MAP4: variants seen among roughly 807,000 people sequenced by gnomAD.
MAP4 encodes microtubule-associated protein 4.
Under a neutral mutation model 170.2 loss-of-function variants are expected in MAP4, and 76 were observed. The observed-to-expected ratio is 0.45, with a 90% CI of 0.37 to 0.54. The LOEUF is 0.54. MAP4 is among the 20% of genes least tolerant of loss of function. MAP4 has a pLI of 0.00. For synonymous variants in MAP4, 909 were observed against 994.5 expected, an observed-to-expected ratio of 0.91 and a Z score of 1.62; for missense variants, 2,506 against 2,748.0, an observed-to-expected ratio of 0.91 and a Z score of 1.97.
chr3:48,086,739 C>T (rs2100149250), intron 1 of MAP4, among the ~76,000 whole-genome samples: 1 of 152,208 alleles, frequency 6.6e-6, no homozygotes, highest in Non-Finnish European at 1.5e-5. Context: ...ACTGATTAGG[C>T]AGCCCAGAAC....
Position 47,953,455 on chromosome 3 carries a change from G to A in MAP4, c.292+24410C>T, listed in dbSNP as rs1050850478. Among the ~76,000 whole-genome samples the A allele has an allele frequency of 7.2e-5, 11 of 152,090 alleles. No individual in the cohort carries two copies. The East Asian group carries it at 1.7e-3, about 24-fold the overall frequency. On this transcript the variant is annotated intron_variant, in intron 3 of 20. Coordinates refer to ENST00000683076, the MANE Select transcript of MAP4 (RefSeq NM_001385682.1). ...GAGGACTACTTGAGCCTAGGAGTTCGAAATTACAGTGAGCTATGATCACGC... is the reference window on the plus strand; with the variant it reads ...GAGGACTACTTGAGCCTAGGAGTTCAAAATTACAGTGAGCTATGATCACGC...
intron 10 of MAP4, among the ~76,000 whole-genome samples, chr3:47,894,650 T>C (rs939006097): frequency 2.0e-5 from 3 of 151,730 alleles, no homozygotes; most frequent in Non-Finnish European, 4.4e-5. Context: ...TAATACAACA[T>C]AGTTGAATTC....
intron 3 of MAP4, among the ~76,000 whole-genome samples, chr3:47,969,588 C>T (rs988877284): frequency 2.6e-5 from 4 of 152,142 alleles, no homozygotes; most frequent in Non-Finnish European, 5.9e-5. Flanking sequence ...TGTGCCCCCA[C>T]CTCACACTCT....
chr3:48,049,790 T>C (rs986490420), intron 1 of MAP4, among the ~76,000 whole-genome samples: 1 of 149,202 alleles, frequency 6.7e-6, no homozygotes, highest in Admixed American at 6.7e-5. Flanking sequence ...CACAAAAAAA[T>C]AGCTGGGCAT....
chr3:48,038,459 CTTTTT>C (rs397989482), intron 1 of MAP4, among the ~76,000 whole-genome samples: 1 of 121,986 alleles, frequency 8.2e-6, no homozygotes, highest in Non-Finnish European at 1.6e-5. Flanking sequence ...TGCACTGAAA[CTTTTT>C]TTTTTTTTTT....
At chr3:47,868,412 TG>T in intron 16 of MAP4, among the ~76,000 whole-genome samples, 1 of 152,184 alleles carries the variant, frequency 6.6e-6, no homozygotes, top group Non-Finnish European at 1.5e-5. Context: ...TAATGAGCCT[TG>T]GTCTGAACCT....
chr3:47,931,298 T>C (rs2153833102), intron 3 of MAP4, among the ~76,000 whole-genome samples: 1 of 152,218 alleles, frequency 6.6e-6, no homozygotes, highest in African/African-American at 2.4e-5. Flanking sequence ...GGAAGATTGC[T>C]TGAGCCTGGG....
At chr3:47,967,266 C>T (rs376716593) in intron 3 of MAP4, among the ~76,000 whole-genome samples, 11 of 152,240 alleles carry the variant, frequency 7.2e-5, no homozygotes, top group African/African-American at 2.2e-4. Flanking sequence ...AACCCGGAGG[C>T]GGAGGTTGCA....
chr3:47,961,696 C>T (rs1399600648), intron 3 of MAP4, among the ~76,000 whole-genome samples: 6 of 152,174 alleles, frequency 3.9e-5, no homozygotes, highest in Non-Finnish European at 8.8e-5. Flanking sequence ...GGTTTCTCTT[C>T]CTGGTTCTAG....
At chr3:47,877,389 A>G (rs111834828) in intron 11 of MAP4, 28 bp downstream of exon 11, 10 of 1,526,940 alleles carry the variant, frequency 6.5e-6, no homozygotes, top group African/African-American at 4.1e-5. Flanking sequence ...TTATGGCAGT[A>G]GAAGATAACC....
chr3:47,910,325 C>T lies in MAP4; in HGVS notation c.4096G>A (p.Gly1366Arg), dbSNP rs757508031. Residue 1366 changes from glycine to arginine, a missense_variant, in exon 9 of 21, where the codon GGA becomes AGA. This residue lies in a region of MAP4 where 2,008 missense variants were observed against 2,206.0 expected (regional missense o/e 0.91). Coordinates refer to ENST00000683076, the MANE Select transcript of MAP4 (RefSeq NM_001385682.1). ...ADKPSKRSND[G>R]KSKKVKNSSP... is the part of the protein sequence containing the mutation. ...CTATTTTTAACCTTTTTACTTTTTC[C>T]ATCATTACTCCTTTTACTTGGTTTG... 3.9e-6 allele frequency: 6 copies of T among 1,552,902 alleles called. No individual in the cohort carries two copies. The South Asian group carries it at 5.8e-5, about 15-fold the overall frequency.
chr3:47,869,352 A>C, intron 15 of MAP4, 25 bp from the exon 16 acceptor site: 1 of 1,483,718 alleles, frequency 6.7e-7, no homozygotes, highest in South Asian at 1.1e-5. Context: ...AGGGAGGGCA[A>C]ATTTCAAACC....
chr3:47,958,433 C>T (rs2100069187), intron 3 of MAP4, among the ~76,000 whole-genome samples: 1 of 152,150 alleles, frequency 6.6e-6, no homozygotes, highest in South Asian at 2.1e-4. Context: ...TGAACTTTCT[C>T]TTTGTTATAT....
At chr3:48,005,543 A>C (rs2100101842) in intron 1 of MAP4, among the ~76,000 whole-genome samples, 1 of 152,196 alleles carries the variant, frequency 6.6e-6, no homozygotes, top group Admixed American at 6.5e-5. Context: ...GGGAGTTAAA[A>C]TAAGGTTCTA....
chr3:47,905,750 T>A (rs2100032620), intron 9 of MAP4, among the ~76,000 whole-genome samples: 1 of 151,620 alleles, frequency 6.6e-6, no homozygotes, highest in African/African-American at 2.4e-5. Flanking sequence ...TCCCAGCACT[T>A]TGGGAGGCTG....
chr3:47,857,685 G>A (rs769749594), intron 17 of MAP4, among the ~76,000 whole-genome samples, 173 bp from the exon 18 acceptor site: 10 of 151,338 alleles, frequency 6.6e-5, no homozygotes, highest in Non-Finnish European at 1.3e-4. Flanking sequence ...AAGAGCCCTC[G>A]ACCCACCCTG....
rs2100038859 is a variant in MAP4, at chr3:47,916,182, C to G, written c.1645G>C (p.Val549Leu). 1 of 1,614,046 alleles carries G rather than the reference C, an allele frequency of 6.2e-7. No individual in the cohort carries two copies. Among genetic ancestry groups the G allele is most frequent in the South Asian group, 1.1e-5 (1 of 91,086 alleles). Residue 549 changes from valine to leucine, a missense_variant, in exon 7 of 21, where the codon GTC (valine) becomes CTC (leucine). Physicochemically the swap from Val to Leu is conservative, Grantham distance 32 (BLOSUM62 1). Transcript: ENST00000683076. ...EMEVALTEDQ[V>L]PALKTEAPLA... ...GGTGCTTCTGTTTTGAGGGCTGGGA[C>G]CTGATCCTCAGTCAGGGCCACCTCC... is the stretch of plus-strand genomic sequence containing the variant.
intron 2 of MAP4, among the ~76,000 whole-genome samples, chr3:47,988,708 A>C (rs2100090413): frequency 6.6e-6 from 1 of 152,056 alleles, no homozygotes; most frequent in Non-Finnish European, 1.5e-5. Flanking sequence ...ATTTGAATTT[A>C]AAAAATGGAT....
intron 12 of MAP4, among the ~76,000 whole-genome samples, chr3:47,874,035 A>C (rs1172120083): frequency 6.6e-6 from 1 of 152,218 alleles, no homozygotes; most frequent in African/African-American, 2.4e-5. Context: ...CTACCAAAAT[A>C]AGCTGCAGAT....
Sources: allele counts gnomAD v4.1 joint callset (sites outside exome capture counted in the v4.1 genomes callset), GRCh38; gene constraint gnomAD v4.1.1; regional missense constraint gnomAD v4.1.1; transcripts MANE v1.5; gene names NCBI Gene and HGNC (gene_info 2026-07-23, HGNC 2026-07-21).